The following GPHN variants were observed in gnomAD, a reference collection of about 807,000 sequenced individuals.
The protein encoded by GPHN is gephyrin.
Under a neutral mutation model 95.5 loss-of-function variants are expected in GPHN, and 17 were observed. That is an observed-to-expected ratio of 0.18 (90% CI 0.12 to 0.27). The LOEUF (loss-of-function observed/expected upper bound fraction) is 0.27. Among genes scored for constraint, GPHN ranks in the 10% least tolerant of loss-of-function variants. The pLI, the probability that GPHN is intolerant of heterozygous loss-of-function variation, is 1.00. For missense variants in GPHN, 660 were observed against 978.1 expected, an observed-to-expected ratio of 0.67 and a Z score of 4.34; for synonymous variants, 320 against 322.5, an observed-to-expected ratio of 0.99 and a Z score of 0.08.
chr14:67,055,173 A>G (rs1434906636), intron 10 of GPHN, among the ~76,000 whole-genome samples: 1 of 152,184 alleles, frequency 6.6e-6, no homozygotes, highest in South Asian at 2.1e-4. Context: ...AATGGGAGAA[A>G]ATTATTGCAA....
At chr14:67,078,236 G>A (rs1052864565) in intron 11 of GPHN, among the ~76,000 whole-genome samples, 3 of 152,070 alleles carry the variant, frequency 2.0e-5, no homozygotes, top group Non-Finnish European at 2.9e-5. Context: ...TATATTAATC[G>A]CCTATTGGGA....
chr14:67,699,868 G>A, the GPHN span, among the ~76,000 whole-genome samples: 7 of 152,168 alleles, frequency 4.6e-5, no homozygotes, highest in Non-Finnish European at 8.8e-5. Context: ...TAGGCTGGGC[G>A]CGGTGGCTCA....
chr14:67,324,354 T>C, the GPHN span, among the ~76,000 whole-genome samples: 39 of 152,324 alleles, frequency 2.6e-4, no homozygotes, highest in African/African-American at 9.4e-4. Context: ...CAGCATTGAC[T>C]TTTTATTTAA....
the GPHN span, among the ~76,000 whole-genome samples, chr14:67,732,000 G>C: frequency 1.3e-5 from 2 of 151,662 alleles, no homozygotes; most frequent in Non-Finnish European, 2.9e-5. Flanking sequence ...GTTGGTGGGT[G>C]CCTGTAATCC....
At chr14:67,286,200 A>G in the GPHN span, among the ~76,000 whole-genome samples, 1 of 152,168 alleles carries the variant, frequency 6.6e-6, no homozygotes, top group Non-Finnish European at 1.5e-5. Flanking sequence ...ATCCCGCCTT[A>G]GTACTTACTT....
At chr14:66,979,475 C>A (rs909690779) in intron 9 of GPHN, among the ~76,000 whole-genome samples, 1 of 152,208 alleles carries the variant, frequency 6.6e-6, no homozygotes, top group East Asian at 1.9e-4. Context: ...CATGAGCCAA[C>A]CTCAGCTAGC....
chr14:66,646,131 G>T (rs2064731195), intron 1 of GPHN, among the ~76,000 whole-genome samples: 1 of 151,974 alleles, frequency 6.6e-6, no homozygotes, highest in African/African-American at 2.4e-5. Flanking sequence ...GATTAAAATT[G>T]GGCAAGGACT....
At chr14:67,424,281 A>C in the GPHN span, among the ~76,000 whole-genome samples, 1 of 151,864 alleles carries the variant, frequency 6.6e-6, no homozygotes, top group African/African-American at 2.4e-5. Context: ...AATTAAAAAT[A>C]AAAAGGGGAG....
At chr14:67,309,376 C>G in the GPHN span, among the ~76,000 whole-genome samples, 1 of 152,088 alleles carries the variant, frequency 6.6e-6, no homozygotes, top group South Asian at 2.1e-4. Context: ...ATTAATTTTT[C>G]AGATGTGAAA....
chr14:66,966,817 AT>A (rs1475358600), intron 9 of GPHN, among the ~76,000 whole-genome samples: 4 of 151,940 alleles, frequency 2.6e-5, no homozygotes, highest in Non-Finnish European at 5.9e-5. Context: ...TTTTGAAAAT[AT>A]TTTATGCTAA....
At chr14:67,488,097 A>G in the GPHN span, among the ~76,000 whole-genome samples, 2 of 152,246 alleles carry the variant, frequency 1.3e-5, no homozygotes, top group Non-Finnish European at 2.9e-5. Flanking sequence ...GCCCTCTGGG[A>G]CAGCCCAGCC....
the GPHN span, chr14:67,454,459 CCTT>C: frequency 2.0e-5 from 3 of 152,234 alleles, no homozygotes; most frequent in Non-Finnish European, 4.4e-5. Context: ...CTTCGTGTCT[CCTT>C]CTTCTTGGAA....
At chr14:67,200,541 ACTC>A in the GPHN span, 21 of 239,422 alleles carry the variant, frequency 8.8e-5, no homozygotes, top group South Asian at 1.6e-3. Flanking sequence ...ATAAAACTAA[ACTC>A]CTTGTTTAAA....
chr14:67,580,985 C>T, the GPHN span: 4 of 1,613,480 alleles, frequency 2.5e-6, no homozygotes, highest in Non-Finnish European at 3.4e-6. Flanking sequence ...AGGAGCTGCA[C>T]CCCGGAAAGT....
the GPHN span, among the ~76,000 whole-genome samples, chr14:67,232,646 C>T: frequency 6.6e-6 from 1 of 152,314 alleles, no homozygotes; most frequent in South Asian, 2.1e-4. Flanking sequence ...AACTGCTGAA[C>T]ACCCTTTGAA....
the GPHN span, among the ~76,000 whole-genome samples, chr14:67,440,897 G>A: frequency 6.6e-6 from 1 of 152,226 alleles, no homozygotes; most frequent in African/African-American, 2.4e-5. Flanking sequence ...GAGAAGGCAG[G>A]GAAAGAAGGC....
the GPHN span, chr14:67,208,265 A>G: frequency 1.2e-6 from 2 of 1,614,078 alleles, no homozygotes; most frequent in Non-Finnish European, 1.7e-6. Flanking sequence ...GAGTGAGTTG[A>G]AAGAATCCTC....
intron 1 of GPHN, among the ~76,000 whole-genome samples, chr14:66,568,893 A>G (rs1212665452): frequency 6.6e-6 from 1 of 152,110 alleles, no homozygotes; most frequent in Non-Finnish European, 1.5e-5. Flanking sequence ...ACAGTCCATC[A>G]TTTCTTAAGT....
At chr14:67,479,432 T>G in the GPHN span, among the ~76,000 whole-genome samples, 1 of 147,162 alleles carries the variant, frequency 6.8e-6, no homozygotes, top group Non-Finnish European at 1.5e-5. Context: ...AAAATGCTTG[T>G]GGAAGCTGGG....
Sources: gnomAD v4.1 joint callset for allele counts (sites outside exome capture counted in the v4.1 genomes callset) on GRCh38, gnomAD v4.1.1 for gene constraint, MANE v1.5 for transcripts, NCBI Gene and HGNC (gene_info 2026-07-23, HGNC 2026-07-21) for gene names.